Variants in TMEM132B observed in about 807,000 individuals in gnomAD.
The protein encoded by TMEM132B is transmembrane protein 132B.
TMEM132B carries 18 observed loss-of-function variants against 90.8 expected under a neutral mutation model. That is an observed-to-expected ratio of 0.20 (90% CI 0.14 to 0.29). The LOEUF is 0.29. TMEM132B is among the 10% of genes least tolerant of loss of function. The pLI, the probability that TMEM132B is intolerant of heterozygous loss-of-function variation, is 1.00. For missense variants in TMEM132B, 1,096 were observed against 1,326.8 expected (o/e 0.83, Z 2.70); for synonymous variants, 504 against 523.3 (o/e 0.96, Z 0.50).
rs897081313 is a variant in TMEM132B at position 125,381,138 on chromosome 12, C to T, written c.959+30795C>T. Among the ~76,000 whole-genome samples, 48 of 152,306 alleles carry T rather than the reference C, an allele frequency of 3.2e-4. 1 individual carries two copies. The highest frequency in any genetic ancestry group is 6.8e-3 in the Middle Eastern group (2 of 294). On this transcript the variant is annotated intron_variant, in intron 2 of 8. Transcript: ENST00000682704. ...TTCCAGCTCTGTGGAGTTACAGGCA[C>T]GGTGTGTTGAGCCCCTGTGGTTGAG...
At chr12:125,448,988 A>C (rs985930712) in intron 3 of TMEM132B, among the ~76,000 whole-genome samples, 1 of 116,548 alleles carries the variant, frequency 8.6e-6, no homozygotes, top group African/African-American at 3.4e-5. Context: ...TTTTTTTGAG[A>C]TGGAGTCTCG....
chr12:125,195,238 CA>C (rs958415784), intron 1 of TMEM132B, among the ~76,000 whole-genome samples: 11 of 151,824 alleles, frequency 7.2e-5, no homozygotes, highest in Non-Finnish European at 1.5e-4. Context: ...AAAAGACAGG[CA>C]AAAAACCCTG....
chr12:125,413,887 A>ATT (rs1879931386), intron 2 of TMEM132B, among the ~76,000 whole-genome samples: 1 of 103,572 alleles, frequency 9.7e-6, no homozygotes, highest in African/African-American at 5.3e-5. Context: ...CCATATGGTA[A>ATT]TTCTGTTTAA....
Position 125,662,102 on chromosome 12 carries a change from G to A in TMEM132B, c.*7392G>A, listed in dbSNP as rs1887218017. ...GCAAGGCAGCAAACAGTGGGGACAA[G>A]TTTTGTCTGGCATTTGAAAAGGTGT... is the stretch of plus-strand genomic sequence containing the variant. On this transcript the variant is annotated 3_prime_UTR_variant, in exon 9 of 9. Coordinates refer to ENST00000682704, the MANE Select transcript of TMEM132B (RefSeq NM_001366854.1). 6.6e-6 allele frequency: 1 copy of A among 152,256 alleles called. No homozygotes were observed. The highest frequency in any genetic ancestry group is 2.1e-4 in the South Asian group (1 of 4,826). 9.4% of individuals were successfully genotyped at this position (152,256 alleles called of 1,614,324 possible).
chr12:125,291,771 A>G (rs1247577884), intron 1 of TMEM132B, among the ~76,000 whole-genome samples: 2 of 152,200 alleles, frequency 1.3e-5, no homozygotes, highest in Admixed American at 6.5e-5. Flanking sequence ...TTTTTAAAAA[A>G]AAATTGTGGT....
At chr12:125,278,152 C>A (rs56310653) in intron 1 of TMEM132B, among the ~76,000 whole-genome samples, 9,431 of 152,260 alleles carry the variant, frequency 0.062, 1,006 homozygotes, top group African/African-American at 0.22. Context: ...ATGTGGCACT[C>A]TATGTGTTTT....
chr12:125,588,223 A>C (rs1593007914), intron 5 of TMEM132B: 1 of 152,198 alleles, frequency 6.6e-6, no homozygotes, highest in South Asian at 2.1e-4. Context: ...CTCTGAGCCT[A>C]GTTTCCTTAT....
chr12:125,326,827 C>A, intron 1 of TMEM132B: 2 of 762,790 alleles, frequency 2.6e-6, no homozygotes, highest in Non-Finnish European at 4.1e-6. Context: ...TCTTGTCCTG[C>A]TCACTCATTG....
At chr12:125,558,034 G>C (rs964935181) in intron 4 of TMEM132B, among the ~76,000 whole-genome samples, 2 of 152,228 alleles carry the variant, frequency 1.3e-5, no homozygotes, top group African/African-American at 4.8e-5. Context: ...TTCATGAGCA[G>C]GCTGGCTTTC....
intron 4 of TMEM132B, among the ~76,000 whole-genome samples, chr12:125,560,586 G>C (rs1884496629): frequency 6.6e-6 from 1 of 152,014 alleles, no homozygotes; most frequent in African/African-American, 2.4e-5. Flanking sequence ...ACTTTGGGAG[G>C]CCGAGGCGGG....
Position 125,473,197 on chromosome 12 carries a change from C to G in TMEM132B, c.1107-46242C>G, listed in dbSNP as rs1205624722. Among the ~76,000 whole-genome samples the G allele has an allele frequency of 3.3e-5, 5 of 152,254 alleles. No homozygotes were observed. In the South Asian group the frequency reaches 6.2e-4, roughly 19 times the overall value. On this transcript the variant is annotated intron_variant, in intron 3 of 8. Transcript: ENST00000682704. ...TCCCACCTCAGGGCCTTTGCACTTGCTGTTCCCCCTTCCAAGGATGCATTC... is the reference window on the plus strand; with the variant it reads ...TCCCACCTCAGGGCCTTTGCACTTGGTGTTCCCCCTTCCAAGGATGCATTC...
intron 5 of TMEM132B, among the ~76,000 whole-genome samples, chr12:125,609,309 ACT>A (rs1456875112): frequency 3.3e-5 from 5 of 151,994 alleles, no homozygotes; most frequent in African/African-American, 1.2e-4. Context: ...TCAACATCAC[ACT>A]CTCTTGATTT....
chr12:125,486,198 T>C (rs764168144), intron 3 of TMEM132B, among the ~76,000 whole-genome samples: 12 of 152,232 alleles, frequency 7.9e-5, no homozygotes, highest in African/African-American at 2.9e-4. Context: ...ACAGCCAGGA[T>C]GATTTCTGAG....
chr12:125,548,978 G>A (rs16919214), intron 4 of TMEM132B, among the ~76,000 whole-genome samples: 11,096 of 151,392 alleles, frequency 0.073, 549 homozygotes, highest in South Asian at 0.15. Flanking sequence ...GGAGATCTGG[G>A]TTGCATCATG....
chr12:125,581,680 G>T (rs979521183), intron 4 of TMEM132B, among the ~76,000 whole-genome samples: 2 of 151,406 alleles, frequency 1.3e-5, no homozygotes, highest in Non-Finnish European at 2.9e-5. Flanking sequence ...CAAAATCAAT[G>T]CCTGCCCACC....
chr12:125,451,792 A>G (rs377484162), intron 3 of TMEM132B, among the ~76,000 whole-genome samples: 1 of 152,256 alleles, frequency 6.6e-6, no homozygotes, highest in East Asian at 1.9e-4. Flanking sequence ...AGAATTTATG[A>G]ATAGCATGAA....
Position 125,653,605 on chromosome 12 carries a change from C to T in TMEM132B, c.2147C>T (p.Ser716Leu), listed in dbSNP as rs760140118. ...VSSWILFSDG[S>L]VTPLDIYDPK... ...TCTTGGATTTTGTTCAGTGATGGTT[C>T]GGTGACACCTTTAGACATTTACGAT... Residue 716 changes from serine to leucine, a missense_variant, in exon 9 of 9, where the codon TCG becomes TTG. Coordinates refer to ENST00000682704, the MANE Select transcript of TMEM132B (RefSeq NM_001366854.1). 86 of 1,612,240 alleles carry T rather than the reference C, an allele frequency of 5.3e-5. 1 individual carries two copies. In the East Asian group the frequency reaches 1.4e-3, roughly 26 times the overall value.
At chr12:125,275,745 A>G (rs1264953674) in intron 1 of TMEM132B, among the ~76,000 whole-genome samples, 3 of 152,114 alleles carry the variant, frequency 2.0e-5, no homozygotes, top group East Asian at 1.9e-4. Flanking sequence ...ACAGGGTCTC[A>G]CTCTGTTGCC....
chr12:125,524,234 A>T (rs1001067109), intron 4 of TMEM132B, among the ~76,000 whole-genome samples: 1 of 152,246 alleles, frequency 6.6e-6, no homozygotes, highest in African/African-American at 2.4e-5. Context: ...AACATGCTTA[A>T]ACTATCAAAG....
Sources: allele counts gnomAD v4.1 joint callset (sites outside exome capture counted in the v4.1 genomes callset), GRCh38; gene constraint gnomAD v4.1.1; transcripts MANE v1.5; gene names NCBI Gene and HGNC (gene_info 2026-07-23, HGNC 2026-07-21).